CUL5: variants seen among roughly 807,000 people sequenced by gnomAD.
CUL5 encodes cullin 5, also known as cullin-5.
CUL5 carries 26 observed loss-of-function variants against 108.8 expected under a neutral mutation model. The observed-to-expected ratio is 0.24, with a 90% confidence interval of 0.18 to 0.33. The LOEUF (loss-of-function observed/expected upper bound fraction) is 0.33, where lower values mean the gene tolerates loss of function less well. Among genes scored for constraint, CUL5 ranks in the 10% least tolerant of loss-of-function variants. The pLI is 1.00. For missense variants in CUL5, 524 were observed against 909.2 expected, an observed-to-expected ratio of 0.58 and a Z score of 5.45; for synonymous variants, 334 against 298.0, an observed-to-expected ratio of 1.12 and a Z score of -1.25.
chr11:108,035,475 G>A (rs746662822), intron 2 of CUL5, among the ~76,000 whole-genome samples: 13 of 151,922 alleles, frequency 8.6e-5, no homozygotes, highest in Non-Finnish European at 1.3e-4. Flanking sequence ...AGTGGCTTAC[G>A]CCTGTAATCC....
intron 2 of CUL5, 110 bp downstream of exon 2, chr11:108,034,021 G>A (rs1038661276): frequency 3.0e-6 from 2 of 674,630 alleles, no homozygotes; most frequent in East Asian, 5.5e-5. Flanking sequence ...CTATTAAAAA[G>A]TATTACTAGT....
chr11:108,098,994 T>C (rs1034035187), intron 18 of CUL5, among the ~76,000 whole-genome samples: 17 of 141,002 alleles, frequency 1.2e-4, no homozygotes, highest in Non-Finnish European at 2.2e-4. Context: ...TTGAAACTTC[T>C]GGCCAGTGTA....
At chr11:108,085,795 A>G (rs1057162991) in intron 11 of CUL5, among the ~76,000 whole-genome samples, 1 of 152,118 alleles carries the variant, frequency 6.6e-6, no homozygotes, top group African/African-American at 2.4e-5. Flanking sequence ...TGAGAGGAGG[A>G]TAGCTAGAGA....
intron 11 of CUL5, among the ~76,000 whole-genome samples, chr11:108,087,598 T>A (rs1318196436): frequency 1.3e-5 from 2 of 152,134 alleles, no homozygotes; most frequent in South Asian, 2.1e-4. Context: ...TGTCTGAATT[T>A]AAAAAATTTT....
chr11:108,035,786 T>G (rs1862725072), intron 2 of CUL5, among the ~76,000 whole-genome samples: 1 of 152,088 alleles, frequency 6.6e-6, no homozygotes, highest in Non-Finnish European at 1.5e-5. Context: ...AAGTCCTGTT[T>G]ATTGAGTATA....
chr11:108,032,069 T>G (rs545420805), intron 1 of CUL5, among the ~76,000 whole-genome samples: 1 of 152,280 alleles, frequency 6.6e-6, no homozygotes, highest in African/African-American at 2.4e-5. Flanking sequence ...AACTAATTGC[T>G]TAATCCTGGA....
chr11:108,051,338 G>A (rs1282152836), intron 4 of CUL5, among the ~76,000 whole-genome samples: 1 of 152,162 alleles, frequency 6.6e-6, no homozygotes, highest in Non-Finnish European at 1.5e-5. Flanking sequence ...TATCAATTCT[G>A]GGGCCACAGT....
chr11:108,017,389 C>CAAAAAAA (rs71840119), intron 1 of CUL5, among the ~76,000 whole-genome samples: 1 of 102,920 alleles, frequency 9.7e-6, no homozygotes, highest in Admixed American at 1.2e-4. Flanking sequence ...GACCCTGTCT[C>CAAAAAAA]AAAAAAAAAA....
rs886831105 is a variant in CUL5 at position 108,106,470 on chromosome 11, A to G, written c.*2086A>G. 3 of 152,292 alleles carry G rather than the reference A, an allele frequency of 2.0e-5. No individual in the cohort carries two copies. The highest frequency in any genetic ancestry group is 2.1e-4 in the South Asian group (1 of 4,832). The allele number at this position is 152,292 out of a possible 1,614,324, so 9.4% of individuals were successfully genotyped here. ...TTTTATTAAATTTTATAAATTTTTA[A>G]TAGCCAATTATGTCCTAATTGTATT... On this transcript the variant is annotated 3_prime_UTR_variant, in exon 19 of 19. Coordinates refer to ENST00000393094, the MANE Select transcript of CUL5 (RefSeq NM_003478.6).
chr11:108,063,175 C>T lies in CUL5; in HGVS notation c.781-6921C>T, dbSNP rs185783779. On this transcript the variant is annotated intron_variant, in intron 7 of 18. Coordinates refer to ENST00000393094, the MANE Select transcript of CUL5 (RefSeq NM_003478.6). The stretch of plus-strand genomic sequence containing the variant: ...TTCTGGTTTTTTTGTACCCATTAAC[C>T]ATCCCTATTTCTCCCCCACCACCTC... Among the ~76,000 whole-genome samples, 12 of 152,150 alleles carry T rather than the reference C, an allele frequency of 7.9e-5. No homozygotes were observed. In the East Asian group the frequency reaches 2.3e-3, roughly 29 times the overall value.
At chr11:108,087,127 C>A (rs919038225) in intron 11 of CUL5, among the ~76,000 whole-genome samples, 1 of 151,892 alleles carries the variant, frequency 6.6e-6, no homozygotes, top group African/African-American at 2.4e-5. Context: ...ATAAGAAAAA[C>A]ATATTCTAGT....
At chr11:108,022,978 G>C (rs559440356) in intron 1 of CUL5, among the ~76,000 whole-genome samples, 1 of 152,182 alleles carries the variant, frequency 6.6e-6, no homozygotes, top group Admixed American at 6.5e-5. Flanking sequence ...GCCCAGCGTG[G>C]TGGCTCACGC....
In CUL5 at chr11:108,049,964, A is replaced by G. The variant is rs373657608; in HGVS notation, c.309A>G (p.Gln103=). Residue 103 remains glutamine (Q), a synonymous_variant, in exon 4 of 19, where the codon CAA becomes CAG. Coordinates refer to ENST00000393094, the MANE Select transcript of CUL5 (RefSeq NM_003478.6). ...YIVEWRKFFT[Q]CDILPKPFCQ... is the part of the protein sequence containing the mutation. Reference sequence around the variant, plus strand: ...TTGAATGGCGAAAGTTCTTTACACAATGTGATATTTTACCAAAACCTTTTT... The same window carrying G: ...TTGAATGGCGAAAGTTCTTTACACAGTGTGATATTTTACCAAAACCTTTTT... 9 of 1,613,708 alleles carry G rather than the reference A, an allele frequency of 5.6e-6. No individual in the cohort carries two copies. Among genetic ancestry groups the G allele is most frequent in the Non-Finnish European group, 6.8e-6 (8 of 1,179,704 alleles).
At chr11:108,095,299 T>A (rs1436811064) in intron 15 of CUL5, among the ~76,000 whole-genome samples, 1 of 152,136 alleles carries the variant, frequency 6.6e-6, no homozygotes, top group Non-Finnish European at 1.5e-5. Flanking sequence ...CCTCTGTCAT[T>A]TTCCATTTGC....
chr11:108,059,299 C>T lies in CUL5; in HGVS notation c.780+4344C>T, dbSNP rs562957415. Among the ~76,000 whole-genome samples the T allele has an allele frequency of 2.4e-4, 36 of 152,282 alleles. No individual in the cohort carries two copies. The South Asian group carries it at 7.5e-3, about 32-fold the overall frequency. ...TATTATATACCCACAGTGTGTCAGGCATTATGCTAGTTGGGGATAATAAGA... is the reference window on the plus strand; with the variant it reads ...TATTATATACCCACAGTGTGTCAGGTATTATGCTAGTTGGGGATAATAAGA... On this transcript the variant is annotated intron_variant, in intron 7 of 18. Coordinates refer to ENST00000393094, the MANE Select transcript of CUL5 (RefSeq NM_003478.6).
chr11:108,063,005 C>T (rs988386543), intron 7 of CUL5, among the ~76,000 whole-genome samples: 1 of 152,076 alleles, frequency 6.6e-6, no homozygotes, highest in Non-Finnish European at 1.5e-5. Context: ...ACCACCACGC[C>T]CGGCTAATTT....
At position 108,009,340 on chromosome 11, in the gene CUL5, T is replaced by C; in HGVS notation, c.-9T>C. 1 of 1,612,202 alleles carries C rather than the reference T, an allele frequency of 6.2e-7. No homozygotes were observed. ...TCGCGTCGTCTCGCGAGAGTCCAAG[T>C]TAAAGAACATGGCGACGTCTAATCT... On this transcript the variant is annotated 5_prime_UTR_variant, in exon 1 of 19. Transcript: ENST00000393094.
intron 1 of CUL5, among the ~76,000 whole-genome samples, chr11:108,015,650 G>A (rs1272330102): frequency 6.6e-6 from 1 of 152,196 alleles, no homozygotes; most frequent in Non-Finnish European, 1.5e-5. Flanking sequence ...TCATGGGTAG[G>A]AATGGGAGAG....
At chr11:108,098,341 G>C (rs1864551125) in intron 17 of CUL5, 65 bp from the exon 18 acceptor site, 1 of 1,386,796 alleles carries the variant, frequency 7.2e-7, no homozygotes. Flanking sequence ...CTCAGACATT[G>C]TTGCTATAAT....
Sources: allele counts gnomAD v4.1 joint callset (sites outside exome capture counted in the v4.1 genomes callset), GRCh38; gene constraint gnomAD v4.1.1; transcripts MANE v1.5; gene names NCBI Gene and HGNC (gene_info 2026-07-23, HGNC 2026-07-21).